Variants in CERKL observed in about 807,000 individuals in gnomAD.
CERKL encodes the protein CERK like autophagy regulator.
In CERKL, 61 loss-of-function variants were observed where a neutral mutation model predicts 63.4. The ratio of observed to expected loss-of-function variants is 0.96; its 90% CI spans 0.78 to 1.19. CERKL has a LOEUF of 1.19. Among genes scored for constraint, CERKL ranks in the 50% most tolerant of loss-of-function variants. CERKL has a pLI of 0.00. For synonymous variants in CERKL, 250 were observed against 230.5 expected, an observed-to-expected ratio of 1.08 and a Z score of -0.77; for missense variants, 675 against 655.5, an observed-to-expected ratio of 1.03 and a Z score of -0.33.
At chr2:181,575,122 C>T (rs1003066665) in intron 2 of CERKL, among the ~76,000 whole-genome samples, 4 of 151,044 alleles carry the variant, frequency 2.6e-5, no homozygotes, top group Non-Finnish European at 5.9e-5. Context: ...ATGCCTTCTC[C>T]CTTCTCCCAC....
At chr2:181,612,333 T>TGCCCA in intron 1 of CERKL, among the ~76,000 whole-genome samples, 1 of 152,192 alleles carries the variant, frequency 6.6e-6, no homozygotes, top group South Asian at 2.1e-4. Flanking sequence ...CCATGAGTTT[T>TGCCCA]TTTAAGTATA....
chr2:181,634,048 T>C (rs1373968626), intron 1 of CERKL, among the ~76,000 whole-genome samples: 2 of 152,208 alleles, frequency 1.3e-5, no homozygotes, highest in East Asian at 1.9e-4. Flanking sequence ...TGTCAATCAA[T>C]GACAAAAATT....
chr2:181,642,735 ATT>A (rs941187106), intron 1 of CERKL, among the ~76,000 whole-genome samples: 22 of 151,982 alleles, frequency 1.4e-4, no homozygotes, highest in African/African-American at 5.3e-4. Context: ...GCCTAGTTTT[ATT>A]TTTTTTAAAA....
At chr2:181,604,862 TA>T (rs5836801) in intron 1 of CERKL, among the ~76,000 whole-genome samples, 4 of 151,056 alleles carry the variant, frequency 2.6e-5, no homozygotes, top group East Asian at 1.9e-4. Flanking sequence ...TAATCAGACT[TA>T]AAAAAAAATA....
At chr2:181,593,989 T>C (rs1685091251) in intron 2 of CERKL, among the ~76,000 whole-genome samples, 1 of 152,124 alleles carries the variant, frequency 6.6e-6, no homozygotes, top group Non-Finnish European at 1.5e-5. Flanking sequence ...GCTGATTCCT[T>C]AGCCATCTGT....
chr2:181,652,320 A>C (rs761651186), intron 1 of CERKL, among the ~76,000 whole-genome samples: 9 of 152,222 alleles, frequency 5.9e-5, no homozygotes, highest in Non-Finnish European at 1.3e-4. Context: ...AATAAAATGG[A>C]AAGCCCAGAA....
chr2:181,595,968 A>G (rs1559095974), intron 2 of CERKL, among the ~76,000 whole-genome samples: 1 of 152,200 alleles, frequency 6.6e-6, no homozygotes, highest in Non-Finnish European at 1.5e-5. Context: ...TTACATTTTT[A>G]TAATAATGAC....
intron 11 of CERKL, among the ~76,000 whole-genome samples, chr2:181,542,140 A>T (rs1687535301): frequency 6.6e-6 from 1 of 152,174 alleles, no homozygotes; most frequent in Non-Finnish European, 1.5e-5. Context: ...GGTCACAATG[A>T]AAGAGAAAAG....
intron 4 of CERKL, among the ~76,000 whole-genome samples, chr2:181,561,286 T>C (rs1024024571): frequency 6.6e-6 from 1 of 151,970 alleles, no homozygotes; most frequent in Non-Finnish European, 1.5e-5. Flanking sequence ...GGTGCATGCC[T>C]GTAATCCCAG....
chr2:181,547,446 C>G (rs1171987559), intron 10 of CERKL, among the ~76,000 whole-genome samples, 172 bp downstream of exon 10: 1 of 152,138 alleles, frequency 6.6e-6, no homozygotes, highest in African/African-American at 2.4e-5. Flanking sequence ...GATAATTATT[C>G]CAGTTCAACA....
chr2:181,644,254 C>G (rs1029927328), intron 1 of CERKL, among the ~76,000 whole-genome samples: 4 of 152,238 alleles, frequency 2.6e-5, no homozygotes, highest in Non-Finnish European at 1.5e-5. Flanking sequence ...TGGCAGGGTC[C>G]CATGACCCAG....
chr2:181,544,080 T>C (rs963050210), intron 11 of CERKL, among the ~76,000 whole-genome samples: 2 of 151,948 alleles, frequency 1.3e-5, no homozygotes, highest in African/African-American at 4.8e-5. Context: ...TTTCAGAAAT[T>C]CACATAGTTC....
At chr2:181,612,336 T>A (rs1270924249) in intron 1 of CERKL, among the ~76,000 whole-genome samples, 1 of 152,216 alleles carries the variant, frequency 6.6e-6, no homozygotes, top group Non-Finnish European at 1.5e-5. Flanking sequence ...TGAGTTTTTT[T>A]AAGTATATGC....
chr2:181,621,551 A>T (rs1184334878), intron 1 of CERKL, among the ~76,000 whole-genome samples: 1 of 152,220 alleles, frequency 6.6e-6, no homozygotes, highest in Non-Finnish European at 1.5e-5. Context: ...GTAATTATAC[A>T]AGTGTGTCTC....
At chr2:181,624,069 C>T (rs1341202231) in intron 1 of CERKL, among the ~76,000 whole-genome samples, 10 of 151,966 alleles carry the variant, frequency 6.6e-5, no homozygotes, top group Admixed American at 2.6e-4. Flanking sequence ...GTTCAAGGAA[C>T]GGTAAGATGT....
Position 181,549,705 on chromosome 2 carries a change from G to T in CERKL, c.824C>A (p.Ser275Tyr), listed in dbSNP as rs765183381. The T allele has an allele frequency of 3.1e-6, 5 of 1,609,752 alleles. No individual in the cohort carries two copies. In the Admixed American group the frequency reaches 8.3e-5, roughly 27 times the overall value. ...QLPLGLIPAG[S>Y]TNVLAHSLHG... is the part of the protein sequence containing the mutation. ...AAGAGAATGTGCCAATACATTGGTAGATCCTGCCAAAGCAATTTTAAAACA... is the reference window on the plus strand; with the variant it reads ...AAGAGAATGTGCCAATACATTGGTATATCCTGCCAAAGCAATTTTAAAACA... The change falls in exon 6 of 13, where the codon TCT becomes TAT. Residue 275 changes from serine (S) to tyrosine (Y), a missense_variant. Physicochemically the swap from Ser to Tyr is moderately radical, Grantham distance 144. Coordinates refer to ENST00000410087, the MANE Select transcript of CERKL (RefSeq NM_201548.5).
intron 5 of CERKL, among the ~76,000 whole-genome samples, chr2:181,555,622 T>A (rs1176770094): frequency 1.3e-5 from 2 of 152,178 alleles, no homozygotes; most frequent in African/African-American, 2.4e-5. Context: ...TATCAAAATA[T>A]GAATTTTTTT....
intron 1 of CERKL, among the ~76,000 whole-genome samples, chr2:181,637,685 T>C (rs1228537882): frequency 6.6e-6 from 1 of 152,172 alleles, no homozygotes; most frequent in Non-Finnish European, 1.5e-5. Context: ...CTATACTTCC[T>C]AGAATATAGT....
At position 181,565,595 on chromosome 2, in the gene CERKL, A is replaced by G. The variant is rs1399637350; in HGVS notation, c.677+463T>C. The G allele has an allele frequency of 5.9e-6, 6 of 1,014,108 alleles. No individual in the cohort carries two copies. In the African/African-American group the frequency reaches 8.0e-5, roughly 14 times the overall value. 62.8% of individuals were successfully genotyped at this position (1,014,108 alleles called of 1,614,324 possible). ...TATTGTTTCTGGAAATAATGTATTT[A>G]TTTACTTGTATTTATAAAATATCTT... On this transcript the variant is annotated intron_variant, in intron 4 of 12. Transcript: ENST00000410087.
Sources: gnomAD v4.1 joint callset for allele counts (sites outside exome capture counted in the v4.1 genomes callset) on GRCh38, gnomAD v4.1.1 for gene constraint, MANE v1.5 for transcripts, NCBI Gene and HGNC (gene_info 2026-07-23, HGNC 2026-07-21) for gene names.